NTSR2: variants seen among roughly 807,000 people sequenced by gnomAD.
NTSR2 encodes the protein neurotensin receptor type 2.
A neutral mutation model predicts 24.1 loss-of-function variants in NTSR2; 22 were observed. That is an observed-to-expected ratio of 0.91 (90% CI 0.65 to 1.30). The LOEUF is 1.30. Among genes scored for constraint, NTSR2 ranks in the 50% most tolerant of loss-of-function variants. NTSR2 has a pLI of 0.00. For synonymous variants in NTSR2, 291 were observed against 267.0 expected, an observed-to-expected ratio of 1.09 and a Z score of -0.88; for missense variants, 570 against 570.4, an observed-to-expected ratio of 1.00 and a Z score of 0.01.
chr2:11,669,943 C>G lies in NTSR2; in HGVS notation c.187G>C (p.Gly63Arg), dbSNP rs759284453. ...TGGTGGCGCAGGCGCCCCGCGCGCC[C>G]GGCCCGCGCCTTCAGCACCACGTGC... ...SAHVVLKARAGRAGRLRHHVL... is the reference protein window; with the variant it reads ...SAHVVLKARARRAGRLRHHVL... Residue 63 changes from glycine to arginine, a missense_variant, in exon 1 of 4, where the codon GGG becomes CGG. Physicochemically the swap from Gly to Arg is moderately radical, Grantham distance 125. Coordinates refer to ENST00000306928, the MANE Select transcript of NTSR2 (RefSeq NM_012344.4). The G allele has an allele frequency of 1.3e-6, 2 of 1,512,928 alleles. No homozygotes were observed. The highest frequency in any genetic ancestry group is 1.3e-5 in the South Asian group (1 of 79,748). 93.7% of individuals were successfully genotyped at this position (1,512,928 alleles called of 1,614,324 possible).
At chr2:11,660,219 C>T (rs757552046) in intron 2 of NTSR2, 86 bp from the exon 3 acceptor site, 77 of 1,028,506 alleles carry the variant, frequency 7.5e-5, no homozygotes, top group Non-Finnish European at 1.0e-4. Flanking sequence ...GGCTGATGCC[C>T]GAGGGGATAG....
chr2:11,670,069 C>G lies in NTSR2; in HGVS notation c.61G>C (p.Ala21Pro). The change falls in exon 1 of 4, where the codon GCC (alanine) becomes CCC (proline). Residue 21 changes from alanine (A) to proline (P), a missense_variant. Coordinates refer to ENST00000306928, the MANE Select transcript of NTSR2 (RefSeq NM_012344.4). ...PSSNPGLSLD[A>P]RLGVDTRLWA... ...AGGCGAGTGTCCACGCCCAGCCGGGCGTCCAGGCTCAGCCCCGGGTTGGAG... is the reference window on the plus strand; with the variant it reads ...AGGCGAGTGTCCACGCCCAGCCGGGGGTCCAGGCTCAGCCCCGGGTTGGAG... The G allele has an allele frequency of 6.8e-7, 1 of 1,460,030 alleles. No homozygotes were observed. The highest frequency in any genetic ancestry group is 1.4e-5 in the South Asian group (1 of 73,074). 90.4% of individuals were successfully genotyped at this position (1,460,030 alleles called of 1,614,324 possible).
intron 2 of NTSR2, among the ~76,000 whole-genome samples, chr2:11,661,014 C>A (rs918843964): frequency 6.6e-6 from 1 of 152,182 alleles, no homozygotes; most frequent in African/African-American, 2.4e-5. Flanking sequence ...CAACCTCCCA[C>A]CCCTTCCCTC....
intron 2 of NTSR2, among the ~76,000 whole-genome samples, chr2:11,661,268 A>G (rs1266954010): frequency 2.6e-5 from 4 of 152,208 alleles, no homozygotes; most frequent in African/African-American, 4.8e-5. Flanking sequence ...TCACTTATGG[A>G]CATCAACTTT....
At chr2:11,669,461 C>CGGGGGG in intron 1 of NTSR2, 45 bp downstream of exon 1, 1 of 137,946 alleles carries the variant, frequency 7.2e-6, no homozygotes, top group East Asian at 1.7e-4. Flanking sequence ...CCCAGCACCG[C>CGGGGGG]CCCCCCACCC....
rs1661301870 is a variant in NTSR2 at position 11,670,043 on chromosome 2, G to A, written c.87C>T (p.Leu29=). 6.7e-7 allele frequency: 1 copy of A among 1,500,396 alleles called. No individual in the cohort carries two copies. Among genetic ancestry groups the A allele is most frequent in the East Asian group, 2.6e-5 (1 of 37,748 alleles). 92.9% of individuals were successfully genotyped at this position (1,500,396 alleles called of 1,614,324 possible). A position where few individuals can be genotyped will look rare whatever the true frequency, so the allele number is the denominator to read the frequency against. Residue 29 remains leucine (L), a synonymous_variant, in exon 1 of 4, where the codon CTC becomes CTT. Coordinates refer to ENST00000306928, the MANE Select transcript of NTSR2 (RefSeq NM_012344.4). ...LDARLGVDTR[L]WAKVLFTALY... ...GCGCGGTGAACAGCACCTTGGCCCA[G>A]AGGCGAGTGTCCACGCCCAGCCGGG...
At chr2:11,660,702 C>CT (rs1425442697) in intron 2 of NTSR2, among the ~76,000 whole-genome samples, 2 of 152,112 alleles carry the variant, frequency 1.3e-5, no homozygotes, top group Non-Finnish European at 2.9e-5. Context: ...GACCACACCA[C>CT]TGCACTCCAG....
At chr2:11,669,458 C>CCGGGGGGGGG in intron 1 of NTSR2, 48 bp downstream of exon 1, 1 of 323,366 alleles carries the variant, frequency 3.1e-6, no homozygotes. Flanking sequence ...CCTCCCAGCA[C>CCGGGGGGGGG]CGCCCCCCCA....
rs542782761 is a variant in NTSR2 at position 11,661,026 on chromosome 2, C to CCTGCT, written c.899-898_899-894dup. 3.3e-4 allele frequency among the ~76,000 whole-genome samples: 51 copies of CCTGCT among 152,320 alleles called. No homozygotes were observed. The East Asian group carries it at 6.4e-3, about 19-fold the overall frequency. ...TCCCAACCTCCCACCCCTTCCCTCT[C>CCTGCT]CTGCTTCTACTCTGCTCTGACTGGC... On this transcript the variant is annotated intron_variant, in intron 2 of 3. Transcript: ENST00000306928.
chr2:11,669,455 G>GCC, intron 1 of NTSR2, 51 bp downstream of exon 1: 1 of 343,438 alleles, frequency 2.9e-6, no homozygotes. Flanking sequence ...CCTCCTCCCA[G>GCC]CACCGCCCCC....
chr2:11,669,460 G>GGGGGGGGGGGGGCGCCCGCCGCGCCCCCC, intron 1 of NTSR2, 46 bp downstream of exon 1: 1 of 254,726 alleles, frequency 3.9e-6, no homozygotes, highest in Non-Finnish European at 6.9e-6. Context: ...TCCCAGCACC[G>GGGGGGGGGGGGGCGCCCGCCGCGCCCCCC]CCCCCCCACC....
intron 3 of NTSR2, among the ~76,000 whole-genome samples, chr2:11,659,465 G>A (rs1661023510): frequency 1.3e-5 from 2 of 152,266 alleles, no homozygotes. Flanking sequence ...AGGGGTGCTG[G>A]TGCCTCCTGA....
intron 1 of NTSR2, among the ~76,000 whole-genome samples, chr2:11,668,111 C>G (rs985912181): frequency 2.6e-5 from 4 of 152,186 alleles, no homozygotes; most frequent in African/African-American, 9.7e-5. Context: ...CCTCTCCCCT[C>G]CACAATGTTT....
In NTSR2 at chr2:11,663,133, T is replaced by C. The variant is rs547244363; in HGVS notation, c.625-893A>G. Among the ~76,000 whole-genome samples the C allele has an allele frequency of 1.7e-3, 253 of 152,344 alleles. 1 individual carries two copies. Among genetic ancestry groups the C allele is most frequent in the African/African-American group, 5.9e-3 (246 of 41,576 alleles). On this transcript the variant is annotated intron_variant, in intron 1 of 3. Coordinates refer to ENST00000306928, the MANE Select transcript of NTSR2 (RefSeq NM_012344.4). ...ACATGAGGATAAAAGAAAACAATTT[T>C]TGACATGCAAATTCTCAATTTTTTT...
intron 3 of NTSR2, among the ~76,000 whole-genome samples, chr2:11,659,122 A>G (rs933890925): frequency 2.0e-5 from 3 of 152,066 alleles, no homozygotes; most frequent in Non-Finnish European, 2.9e-5. Flanking sequence ...CAAAGTGCTG[A>G]GATTACAGGC....
intron 1 of NTSR2, among the ~76,000 whole-genome samples, chr2:11,665,055 GTTTTTT>G (rs34751276): frequency 1.6e-4 from 17 of 106,678 alleles, no homozygotes; most frequent in Middle Eastern, 4.7e-3. Context: ...CTTTGGCACT[GTTTTTT>G]TTTTTTTTTT....
At chr2:11,663,854 C>A (rs1269585752) in intron 1 of NTSR2, among the ~76,000 whole-genome samples, 3 of 152,084 alleles carry the variant, frequency 2.0e-5, no homozygotes, top group Non-Finnish European at 4.4e-5. Context: ...GCAAAGAGGA[C>A]AAGCGACAAG....
At chr2:11,668,179 C>T (rs1224687520) in intron 1 of NTSR2, among the ~76,000 whole-genome samples, 2 of 152,226 alleles carry the variant, frequency 1.3e-5, no homozygotes, top group Non-Finnish European at 2.9e-5. Context: ...AAGACGTTGC[C>T]TGCTTCATGG....
chr2:11,669,377 G>T, intron 1 of NTSR2, 129 bp downstream of exon 1: 1 of 821,756 alleles, frequency 1.2e-6, no homozygotes, highest in Non-Finnish European at 1.7e-6. Context: ...AGAGCAACAA[G>T]ACCCAACTTG....
Sources: allele counts gnomAD v4.1 joint callset (sites outside exome capture counted in the v4.1 genomes callset), GRCh38; gene constraint gnomAD v4.1.1; transcripts MANE v1.5; gene names NCBI Gene and HGNC (gene_info 2026-07-23, HGNC 2026-07-21).